Variants in GCA observed in about 807,000 individuals in gnomAD.
GCA encodes grancalcin, EF-hand calcium-binding protein.
GCA carries 30 observed loss-of-function variants against 32.6 expected under a neutral mutation model. That is an observed-to-expected ratio of 0.92 (90% CI 0.69 to 1.25). The LOEUF (loss-of-function observed/expected upper bound fraction) is 1.25. Ranked by LOEUF, GCA falls within the 50% of genes most tolerant of loss-of-function variation. The probability of loss-of-function intolerance (pLI) is 0.00; values close to 1 mark genes in which losing one functional copy is unlikely to be tolerated. For synonymous variants in GCA, 102 were observed against 84.6 expected (o/e 1.21, Z -1.13); for missense variants, 291 against 266.8 (o/e 1.09, Z -0.63).
chr2:162,359,176 T>C lies in GCA; in HGVS notation c.568+19T>C. On this transcript the variant is annotated intron_variant, in intron 6 of 7. Coordinates refer to ENST00000437150, the MANE Select transcript of GCA (RefSeq NM_012198.5). The stretch of plus-strand genomic sequence containing the variant: ...TTGACAGGTATTGACTATTTAAAAC[T>C]AAGTGCACAGTGTTATGTAGCTATT... The C allele has an allele frequency of 7.6e-7, 1 of 1,316,326 alleles. No individual in the cohort carries two copies. The highest frequency in any genetic ancestry group is 2.3e-5 in the East Asian group (1 of 43,358). 81.5% of individuals were successfully genotyped at this position (1,316,326 alleles called of 1,614,324 possible).
chr2:162,321,072 C>A (rs1349524275), intron 1 of GCA, among the ~76,000 whole-genome samples: 1 of 152,140 alleles, frequency 6.6e-6, no homozygotes, highest in Non-Finnish European at 1.5e-5. Context: ...TTTTAGGAAT[C>A]TCCCATAGTC....
At chr2:162,372,409 G>C (rs193004766), downstream of GCA, among the ~76,000 whole-genome samples, 1 of 152,048 alleles carries the variant, frequency 6.6e-6, no homozygotes, top group Admixed American at 6.6e-5. Flanking sequence ...AGACAAATTG[G>C]GATGAGGAAT....
chr2:162,322,414 T>TTA (rs1553462218), intron 1 of GCA, among the ~76,000 whole-genome samples: 1 of 128,686 alleles, frequency 7.8e-6, no homozygotes, highest in African/African-American at 3.7e-5. Context: ...TATTTATTTA[T>TTA]TTATTATTAT....
downstream of GCA, among the ~76,000 whole-genome samples, chr2:162,365,864 G>A (rs770087351): frequency 6.6e-6 from 1 of 151,500 alleles, no homozygotes; most frequent in Non-Finnish European, 1.5e-5. Flanking sequence ...AAATAAAGGG[G>A]CATTTGAGGA....
At chr2:162,335,313 G>A (rs1182636840) in intron 1 of GCA, among the ~76,000 whole-genome samples, 1 of 151,802 alleles carries the variant, frequency 6.6e-6, no homozygotes, top group African/African-American at 2.4e-5. Flanking sequence ...TACTGGGGAG[G>A]CTGAGGCAGG....
At chr2:162,331,061 T>C (rs1367251525) in intron 1 of GCA, among the ~76,000 whole-genome samples, 1 of 152,268 alleles carries the variant, frequency 6.6e-6, no homozygotes, top group Non-Finnish European at 1.5e-5. Context: ...TTTTCTTTTG[T>C]GCTCAGGAGT....
At chr2:162,340,872 T>C (rs1684420646), upstream of GCA, among the ~76,000 whole-genome samples, 1 of 152,132 alleles carries the variant, frequency 6.6e-6, no homozygotes, top group Non-Finnish European at 1.5e-5. Context: ...GACCTCTAAG[T>C]TTTTGCTCAA....
Position 162,360,324 on chromosome 2 carries a change from A to T in GCA, c.*81A>T. Reference sequence around the variant, plus strand: ...TGAACTGGACTACTTTAAAACTTTTAAGGGTTTTCTATGTTCTTCCTACCT... The same window carrying T: ...TGAACTGGACTACTTTAAAACTTTTTAGGGTTTTCTATGTTCTTCCTACCT... On this transcript the variant is annotated 3_prime_UTR_variant, in exon 8 of 8. Transcript: ENST00000437150. 1 of 1,530,946 alleles carries T rather than the reference A, an allele frequency of 6.5e-7. No individual in the cohort carries two copies. The highest frequency in any genetic ancestry group is 1.3e-5 in the South Asian group (1 of 78,294). The allele number at this position is 1,530,946 out of a possible 1,614,324, so 94.8% of individuals were successfully genotyped here.
Position 162,359,076 on chromosome 2 carries a change from ATTG to A in GCA, c.490_492del (p.Val164del), listed in dbSNP as rs763319605. ...GTTGAGTCCTCAAACATTAACTACT[ATTG>A]TTAAACGTTATAGCAAGAATGGCAG... On this transcript the variant is annotated inframe_deletion, in exon 6 of 8. Transcript: ENST00000437150. The A allele has an allele frequency of 6.3e-7, 1 of 1,597,248 alleles. No individual in the cohort carries two copies. The highest frequency in any genetic ancestry group is 2.2e-5 in the East Asian group (1 of 44,604).
At chr2:162,375,098 C>T (rs1008200394), downstream of GCA, among the ~76,000 whole-genome samples, 4 of 152,014 alleles carry the variant, frequency 2.6e-5, no homozygotes, top group Admixed American at 6.6e-5. Context: ...CCTTATTTAC[C>T]CCATTCAGAA....
chr2:162,324,607 G>A (rs1325801287), intron 1 of GCA, among the ~76,000 whole-genome samples: 2 of 152,150 alleles, frequency 1.3e-5, no homozygotes, highest in African/African-American at 4.8e-5. Flanking sequence ...ATGGGGGCAT[G>A]GCAGGCTACG....
chr2:162,342,019 A>G (rs912391275), upstream of GCA, among the ~76,000 whole-genome samples: 8 of 152,252 alleles, frequency 5.3e-5, no homozygotes, highest in African/African-American at 9.6e-5. Flanking sequence ...AAAAATATTT[A>G]AAAAGCAAAT....
At position 162,356,868 on chromosome 2, in the gene GCA, A is replaced by G. The variant is rs1173436920; in HGVS notation, c.417A>G (p.Val139=). 1 of 1,610,052 alleles carries G rather than the reference A, an allele frequency of 6.2e-7. No individual in the cohort carries two copies. Among genetic ancestry groups the G allele is most frequent in the Admixed American group, 1.7e-5 (1 of 59,948 alleles). The change falls in exon 5 of 8, where the codon GTA becomes GTG. Residue 139 remains valine (V), a synonymous_variant. Coordinates refer to ENST00000437150, the MANE Select transcript of GCA (RefSeq NM_012198.5). ...MTVDQDGSGT[V]EHHELRQAIG... ...TTGATCAAGATGGAAGTGGCACAGT[A>G]GAACATCATGAGTTGCGTCAAGCCA...
upstream of GCA, chr2:162,344,022 C>A: frequency 1.7e-6 from 1 of 592,590 alleles, no homozygotes. Context: ...CGGGAAGGGG[C>A]GGACTGCAGC....
chr2:162,328,994 T>A (rs1683984489), intron 1 of GCA, among the ~76,000 whole-genome samples: 1 of 152,204 alleles, frequency 6.6e-6, no homozygotes, highest in African/African-American at 2.4e-5. Context: ...GGCAGCATTC[T>A]GGTGCCTGTC....
chr2:162,371,154 A>G (rs1685926849), intron 4 of GCA, among the ~76,000 whole-genome samples: 1 of 152,118 alleles, frequency 6.6e-6, no homozygotes, highest in African/African-American at 2.4e-5. Flanking sequence ...GCCAGTGGAA[A>G]ATACTTTAGA....
intron 4 of GCA, among the ~76,000 whole-genome samples, chr2:162,368,406 A>T (rs1483355297): frequency 6.6e-6 from 1 of 152,040 alleles, no homozygotes; most frequent in African/African-American, 2.4e-5. Flanking sequence ...TTCTAATAAC[A>T]TCTACAGAAT....
chr2:162,322,473 T>C (rs533152363), intron 1 of GCA, among the ~76,000 whole-genome samples: 2 of 151,506 alleles, frequency 1.3e-5, no homozygotes, highest in Non-Finnish European at 2.9e-5. Context: ...TGGTTACATA[T>C]GTATACATGT....
chr2:162,324,836 G>A (rs1002656834), intron 1 of GCA, among the ~76,000 whole-genome samples: 8 of 152,152 alleles, frequency 5.3e-5, no homozygotes, highest in African/African-American at 1.9e-4. Context: ...TATGGACGAT[G>A]ACCGGTTTTA....
Sources: allele counts gnomAD v4.1 joint callset (sites outside exome capture counted in the v4.1 genomes callset), GRCh38; gene constraint gnomAD v4.1.1; transcripts MANE v1.5; gene names NCBI Gene and HGNC (gene_info 2026-07-23, HGNC 2026-07-21).